The following TTLL5 variants were observed in gnomAD, a reference collection of about 807,000 sequenced individuals.
TTLL5 encodes tubulin tyrosine ligase like 5, also known as tubulin polyglutamylase TTLL5.
In TTLL5, 132 loss-of-function variants were observed where a neutral mutation model predicts 168.4. The observed-to-expected ratio is 0.78, with a 90% CI of 0.68 to 0.91. The LOEUF (loss-of-function observed/expected upper bound fraction) is 0.91. Ranked by LOEUF, TTLL5 falls within the 40% of genes least tolerant of loss-of-function variation. The pLI, the probability that TTLL5 is intolerant of heterozygous loss-of-function variation, is 0.00. For synonymous variants in TTLL5, 546 were observed against 558.6 expected (o/e 0.98, Z 0.32); for missense variants, 1,545 against 1,581.5 (o/e 0.98, Z 0.39).
rs1390303182 is a variant in TTLL5 at position 75,954,769 on chromosome 14, C to T, written c.*323C>T. 1 of 367,834 alleles carries T rather than the reference C, an allele frequency of 2.7e-6. No individual in the cohort carries two copies. Among genetic ancestry groups the T allele is most frequent in the Non-Finnish European group, 5.0e-6 (1 of 201,614 alleles). 22.8% of individuals were successfully genotyped at this position (367,834 alleles called of 1,614,324 possible). A position where few individuals can be genotyped will look rare whatever the true frequency, so the allele number is the denominator to read the frequency against. On this transcript the variant is annotated 3_prime_UTR_variant, in exon 32 of 32. Coordinates refer to ENST00000298832, the MANE Select transcript of TTLL5 (RefSeq NM_015072.5). ...CATGCCCCCAAACTGCTTAGGTCTTCTCTGTCCCTTTACTGCTGCTGCACA... is the reference window on the plus strand; with the variant it reads ...CATGCCCCCAAACTGCTTAGGTCTTTTCTGTCCCTTTACTGCTGCTGCACA...
At position 75,879,680 on chromosome 14, in the gene TTLL5, A is replaced by G. The variant is rs56292761; in HGVS notation, c.3523-3005A>G. 8.9e-3 allele frequency among the ~76,000 whole-genome samples: 1,349 copies of G among 152,300 alleles called. 18 individuals are homozygous for G. Among genetic ancestry groups the G allele is most frequent in the African/African-American group, 0.031 (1,282 of 41,562 alleles). On this transcript the variant is annotated intron_variant, in intron 29 of 31. Coordinates refer to ENST00000298832, the MANE Select transcript of TTLL5 (RefSeq NM_015072.5). ...AGAAGTTAACTTGAAAAGATCACCC[A>G]CTTTGTAAGTGACAAGGCCTACATT...
chr14:75,937,659 T>G (rs577035649), intron 31 of TTLL5, among the ~76,000 whole-genome samples: 8 of 152,210 alleles, frequency 5.3e-5, no homozygotes, highest in Non-Finnish European at 1.2e-4. Flanking sequence ...CTTAGCATAG[T>G]GTTCTCCAGG....
At chr14:75,670,950 T>C (rs1165487087) in intron 3 of TTLL5, among the ~76,000 whole-genome samples, 1 of 152,238 alleles carries the variant, frequency 6.6e-6, no homozygotes, top group Non-Finnish European at 1.5e-5. Context: ...TTATATTCTT[T>C]GTGTCATATC....
chr14:75,662,244 G>A (rs554102518), intron 1 of TTLL5, among the ~76,000 whole-genome samples: 1 of 151,374 alleles, frequency 6.6e-6, no homozygotes, highest in African/African-American at 2.4e-5. Flanking sequence ...GTTCATTGTT[G>A]AATTTATTTT....
intron 28 of TTLL5, among the ~76,000 whole-genome samples, chr14:75,858,921 A>G (rs563055539): frequency 6.6e-6 from 1 of 152,138 alleles, no homozygotes; most frequent in Non-Finnish European, 1.5e-5. Context: ...TCATTTCTGG[A>G]TATTTAACAC....
At chr14:75,930,309 T>C (rs2034233255) in intron 31 of TTLL5, among the ~76,000 whole-genome samples, 1 of 152,160 alleles carries the variant, frequency 6.6e-6, no homozygotes, top group African/African-American at 2.4e-5. Context: ...AATTCATATG[T>C]TGACAGATAC....
At chr14:75,713,993 A>T (rs1887265839) in intron 9 of TTLL5, among the ~76,000 whole-genome samples, 1 of 151,804 alleles carries the variant, frequency 6.6e-6, no homozygotes, top group Admixed American at 6.6e-5. Flanking sequence ...CCAATCAAGG[A>T]TCACATGTTG....
At chr14:75,709,328 A>G in intron 9 of TTLL5, 1 of 651,914 alleles carries the variant, frequency 1.5e-6, no homozygotes, top group Non-Finnish European at 2.8e-6. Flanking sequence ...TTTCACATGT[A>G]TCCTATGACT....
At chr14:75,893,685 A>G (rs10131900) in intron 30 of TTLL5, among the ~76,000 whole-genome samples, 136,099 of 152,030 alleles carry the variant, frequency 0.9, 61,085 homozygotes, top group African/African-American at 0.95. Flanking sequence ...GGGCGGGGTG[A>G]CGCACGCCTG....
At chr14:75,701,162 T>C (rs1482227543) in intron 7 of TTLL5, among the ~76,000 whole-genome samples, 1 of 152,206 alleles carries the variant, frequency 6.6e-6, no homozygotes, top group Non-Finnish European at 1.5e-5. Context: ...GAAACTCATA[T>C]TCTGATTTGC....
At chr14:75,853,798 C>T (rs569309678) in intron 28 of TTLL5, among the ~76,000 whole-genome samples, 4 of 152,290 alleles carry the variant, frequency 2.6e-5, no homozygotes, top group African/African-American at 9.6e-5. Flanking sequence ...AATCCCAGCA[C>T]TTTGGGAGGC....
chr14:75,884,359 A>T (rs2031982666), intron 30 of TTLL5, among the ~76,000 whole-genome samples: 1 of 152,062 alleles, frequency 6.6e-6, no homozygotes, highest in South Asian at 2.1e-4. Context: ...GCTGGTGGAG[A>T]GGTGGGCCCA....
chr14:75,888,184 C>T (rs567289980), intron 30 of TTLL5, among the ~76,000 whole-genome samples: 1 of 152,246 alleles, frequency 6.6e-6, no homozygotes, highest in Admixed American at 6.5e-5. Flanking sequence ...TCTGGGGTTG[C>T]TTTTGGCATG....
intron 20 of TTLL5, among the ~76,000 whole-genome samples, chr14:75,770,293 T>G (rs1392075292): frequency 6.6e-6 from 1 of 152,102 alleles, no homozygotes; most frequent in Admixed American, 6.5e-5. Flanking sequence ...TAGTTCATGT[T>G]CTGAAGCTCT....
At chr14:75,914,567 A>C (rs1057017113) in intron 31 of TTLL5, among the ~76,000 whole-genome samples, 4 of 151,556 alleles carry the variant, frequency 2.6e-5, no homozygotes, top group African/African-American at 9.7e-5. Flanking sequence ...CATTTCTTGC[A>C]ACATTGTAAA....
intron 31 of TTLL5, chr14:75,906,506 CCAAAAT>C: frequency 1.0e-6 from 1 of 985,590 alleles, no homozygotes; most frequent in East Asian, 1.1e-4. Flanking sequence ...GTCCTTTGGG[CCAAAAT>C]CAAATGTAGT....
At position 75,877,878 on chromosome 14, in the gene TTLL5, A is replaced by G. The variant is rs2031584338; in HGVS notation, c.3523-4807A>G. Among the ~76,000 whole-genome samples the G allele has an allele frequency of 2.0e-5, 3 of 152,184 alleles. No homozygotes were observed. The South Asian group carries it at 6.2e-4, about 32-fold the overall frequency. On this transcript the variant is annotated intron_variant, in intron 29 of 31. Coordinates refer to ENST00000298832, the MANE Select transcript of TTLL5 (RefSeq NM_015072.5). ...TTCTGCTGCTAGTTTACACACAACC[A>G]TTTATATGTCTGCTTTTAACATTGT...
At chr14:75,891,007 C>T (rs1418664085) in intron 30 of TTLL5, among the ~76,000 whole-genome samples, 3 of 152,228 alleles carry the variant, frequency 2.0e-5, no homozygotes, top group Non-Finnish European at 2.9e-5. Flanking sequence ...GCGTGAGCCG[C>T]TGCACCTGGC....
chr14:75,893,593 C>T (rs1024544323), intron 30 of TTLL5, among the ~76,000 whole-genome samples: 4 of 151,630 alleles, frequency 2.6e-5, no homozygotes, highest in Non-Finnish European at 4.4e-5. Context: ...CCGAGGTGGG[C>T]GGATCACGAG....
Sources: gnomAD v4.1 joint callset for allele counts (sites outside exome capture counted in the v4.1 genomes callset) on GRCh38, gnomAD v4.1.1 for gene constraint, MANE v1.5 for transcripts, NCBI Gene and HGNC (gene_info 2026-07-23, HGNC 2026-07-21) for gene names.